The following HDAC9 variants were observed in gnomAD, a reference collection of about 807,000 sequenced individuals.
The protein encoded by HDAC9 is histone deacetylase 9.
Under a neutral mutation model 139.4 loss-of-function variants are expected in HDAC9, and 41 were observed. The ratio of observed to expected loss-of-function variants is 0.29; its 90% CI spans 0.23 to 0.38. HDAC9 has a LOEUF of 0.38. Ranked by LOEUF, HDAC9 falls within the 10% of genes least tolerant of loss-of-function variation. The probability of loss-of-function intolerance (pLI) is 1.00; values close to 1 mark genes in which losing one functional copy is unlikely to be tolerated. For synonymous variants in HDAC9, 517 were observed against 476.2 expected (o/e 1.09, Z -1.12); for missense variants, 1,147 against 1,297.0 (o/e 0.88, Z 1.78).
chr7:18,865,434 G>C (rs981541939), intron 21 of HDAC9, among the ~76,000 whole-genome samples: 3 of 152,198 alleles, frequency 2.0e-5, no homozygotes, highest in African/African-American at 7.2e-5. Flanking sequence ...GGTGTGAAGA[G>C]TTGGAGGGTG....
intron 11 of HDAC9, among the ~76,000 whole-genome samples, chr7:18,658,321 C>A (rs577042871): frequency 6.6e-5 from 10 of 152,138 alleles, no homozygotes; most frequent in Non-Finnish European, 1.3e-4. Context: ...GGGCAATGTT[C>A]TCAAACTAGT....
chr7:18,282,848 C>A (rs1797188495), intron 2 of HDAC9, among the ~76,000 whole-genome samples: 1 of 151,894 alleles, frequency 6.6e-6, no homozygotes, highest in Non-Finnish European at 1.5e-5. Flanking sequence ...TTAAAGATTC[C>A]CACCCTTAAA....
rs996276786 is a variant in HDAC9, at chr7:18,996,079, C to A, written c.*17C>A. ...GCCTTGTGAAGTGCCAAGTCCCCCT[C>A]TGATATTTCCTGTGTGTGACATCAT... On this transcript the variant is annotated 3_prime_UTR_variant, in exon 26 of 26. Coordinates refer to ENST00000686413, the MANE Select transcript of HDAC9 (RefSeq NM_178425.4). The A allele has an allele frequency of 1.3e-6, 2 of 1,587,830 alleles. No individual in the cohort carries two copies. The highest frequency in any genetic ancestry group is 3.4e-5 in the Admixed American group (2 of 58,136).
intron 6 of HDAC9, among the ~76,000 whole-genome samples, chr7:18,613,091 C>G (rs911274123): frequency 6.1e-5 from 9 of 147,142 alleles, no homozygotes; most frequent in Non-Finnish European, 1.2e-4. Flanking sequence ...ATTTATATTT[C>G]TCTTTTATAT....
At chr7:18,095,438 T>C (rs957406638) in intron 1 of HDAC9, among the ~76,000 whole-genome samples, 4 of 152,224 alleles carry the variant, frequency 2.6e-5, no homozygotes, top group African/African-American at 9.6e-5. Flanking sequence ...GTATATTTAA[T>C]ATACAGGAGG....
At chr7:18,360,853 A>G (rs1272012908) in intron 1 of HDAC9, among the ~76,000 whole-genome samples, 1 of 152,186 alleles carries the variant, frequency 6.6e-6, no homozygotes, top group African/African-American at 2.4e-5. Context: ...TAGTTGAATG[A>G]TTGATTTTCA....
chr7:18,477,097 C>A (rs937055256), intron 1 of HDAC9, among the ~76,000 whole-genome samples: 7 of 152,164 alleles, frequency 4.6e-5, no homozygotes, highest in Non-Finnish European at 7.3e-5. Context: ...CAATGTTCAC[C>A]TTGACAATGT....
chr7:18,346,305 A>T (rs1237395792), intron 1 of HDAC9, among the ~76,000 whole-genome samples: 1 of 152,176 alleles, frequency 6.6e-6, no homozygotes, highest in African/African-American at 2.4e-5. Flanking sequence ...TTCAAAGTAC[A>T]GTTAACTTGA....
At chr7:18,836,272 A>G (rs533121796) in intron 21 of HDAC9, among the ~76,000 whole-genome samples, 175 of 152,328 alleles carry the variant, frequency 1.1e-3, no homozygotes, top group African/African-American at 4.0e-3. Context: ...TGCCTATTTT[A>G]ACATATGATG....
chr7:18,236,798 T>G (rs889765366), intron 2 of HDAC9, among the ~76,000 whole-genome samples: 2 of 152,112 alleles, frequency 1.3e-5, no homozygotes, highest in Non-Finnish European at 2.9e-5. Context: ...CAAAATATGA[T>G]CCACGTGAGT....
chr7:18,310,163 G>A (rs897580393), intron 1 of HDAC9, among the ~76,000 whole-genome samples: 1 of 151,750 alleles, frequency 6.6e-6, no homozygotes, highest in Admixed American at 6.6e-5. Context: ...GGACTGTGGT[G>A]GGGGGGTGGG....
chr7:18,399,739 A>G (rs1184740780), intron 1 of HDAC9, among the ~76,000 whole-genome samples: 3 of 152,212 alleles, frequency 2.0e-5, no homozygotes, highest in Non-Finnish European at 4.4e-5. Context: ...TTTGCAGAGC[A>G]TGATAGAGAA....
chr7:18,451,629 A>T (rs1280525432), intron 1 of HDAC9, among the ~76,000 whole-genome samples: 1 of 151,910 alleles, frequency 6.6e-6, no homozygotes, highest in African/African-American at 2.4e-5. Context: ...TTATGTGGAT[A>T]TAGAGGTATC....
At chr7:18,501,769 T>A (rs994872142) in intron 2 of HDAC9, among the ~76,000 whole-genome samples, 1 of 152,176 alleles carries the variant, frequency 6.6e-6, no homozygotes, top group African/African-American at 2.4e-5. Context: ...TTTTTTATAA[T>A]AGGCATGTAT....
chr7:18,392,955 T>G (rs1023043184), intron 1 of HDAC9, among the ~76,000 whole-genome samples: 48 of 94,196 alleles, frequency 5.1e-4, no homozygotes, highest in Admixed American at 1.7e-3. Flanking sequence ...GAAATACTAA[T>G]AAAATAGACA....
At chr7:18,956,785 T>G (rs1563085249) in intron 24 of HDAC9, among the ~76,000 whole-genome samples, 3 of 152,122 alleles carry the variant, frequency 2.0e-5, no homozygotes, top group African/African-American at 7.2e-5. Context: ...TGACAGTGAT[T>G]GGTTAAGAAA....
chr7:18,705,634 C>T (rs1369857144), intron 12 of HDAC9, among the ~76,000 whole-genome samples: 5 of 151,626 alleles, frequency 3.3e-5, no homozygotes, highest in South Asian at 2.1e-4. Flanking sequence ...GCAGATTGCT[C>T]GAGGTCAGGG....
intron 22 of HDAC9, among the ~76,000 whole-genome samples, chr7:18,916,972 G>A (rs1213728340): frequency 2.0e-5 from 3 of 151,960 alleles, no homozygotes; most frequent in Non-Finnish European, 4.4e-5. Flanking sequence ...GCTTTCCTGA[G>A]TATTGCTGGG....
chr7:18,106,646 G>T (rs2128078010), intron 1 of HDAC9, among the ~76,000 whole-genome samples: 1 of 152,196 alleles, frequency 6.6e-6, no homozygotes, highest in African/African-American at 2.4e-5. Context: ...TAAAGATGGG[G>T]TTTCACCATG....
Sources: allele counts gnomAD v4.1 joint callset (sites outside exome capture counted in the v4.1 genomes callset), GRCh38; gene constraint gnomAD v4.1.1; transcripts MANE v1.5; gene names NCBI Gene and HGNC (gene_info 2026-07-23, HGNC 2026-07-21).